SNX8: variants seen among roughly 807,000 people sequenced by gnomAD.
SNX8 encodes sorting nexin 8, also known as sorting nexin-8.
SNX8 carries 25 observed loss-of-function variants against 51.6 expected under a neutral mutation model. The observed-to-expected ratio is 0.48, with a 90% confidence interval of 0.35 to 0.68. The LOEUF is 0.68. SNX8 is among the 30% of genes least tolerant of loss of function. The probability of loss-of-function intolerance (pLI) is 0.00; values close to 1 mark genes in which losing one functional copy is unlikely to be tolerated. For synonymous variants in SNX8, 324 were observed against 277.0 expected (o/e 1.17, Z -1.68); for missense variants, 695 against 624.0 (o/e 1.11, Z -1.21).
intron 7 of SNX8, 130 bp downstream of exon 7, chr7:2,263,100 A>G: frequency 1.8e-6 from 2 of 1,141,188 alleles, no homozygotes; most frequent in Non-Finnish European, 1.2e-6. Flanking sequence ...GCCTGGCAAC[A>G]GAGGGAGACT....
intron 1 of SNX8, among the ~76,000 whole-genome samples, chr7:2,286,384 T>G (rs1796028681): frequency 6.6e-6 from 1 of 152,184 alleles, no homozygotes; most frequent in South Asian, 2.1e-4. Flanking sequence ...TTTTAATACC[T>G]TATTTAATGT....
In SNX8 at chr7:2,269,666, CCCT is replaced by C. The variant is rs770191057; in HGVS notation, c.541-30_541-28del. ...TGCAAAAGGAAAACACACAGCTTCA[CCCT>C]CTTCTACTAGCAGCAAGAAAGCTGC... is the stretch of plus-strand genomic sequence containing the variant. On this transcript the variant is annotated intron_variant, in intron 4 of 10. Coordinates refer to ENST00000222990, the MANE Select transcript of SNX8 (RefSeq NM_013321.4). 3.3e-6 allele frequency: 5 copies of C among 1,512,108 alleles called. No individual in the cohort carries two copies. The African/African-American group carries it at 5.6e-5, about 17-fold the overall frequency. The allele number at this position is 1,512,108 out of a possible 1,614,324, so 93.7% of individuals were successfully genotyped here. A position where few individuals can be genotyped will look rare whatever the true frequency, so the allele number is the denominator to read the frequency against.
intron 1 of SNX8, among the ~76,000 whole-genome samples, chr7:2,345,961 C>G (rs879737187): frequency 3.3e-5 from 5 of 152,028 alleles, no homozygotes; most frequent in African/African-American, 1.2e-4. Flanking sequence ...GCACCCACCA[C>G]CACTCCCAGC....
At chr7:2,353,364 C>A (rs1214267350) in intron 1 of SNX8, among the ~76,000 whole-genome samples, 1 of 152,078 alleles carries the variant, frequency 6.6e-6, no homozygotes, top group Non-Finnish European at 1.5e-5. Flanking sequence ...CTAGCCTGGG[C>A]AACAGAGCGA....
At chr7:2,277,675 C>G (rs933533850) in intron 2 of SNX8, among the ~76,000 whole-genome samples, 10 of 151,772 alleles carry the variant, frequency 6.6e-5, no homozygotes, top group East Asian at 1.9e-4. Context: ...GGCGTGGTGG[C>G]GGGCACCTGT....
At chr7:2,294,081 G>GT (rs1796217958) in intron 1 of SNX8, among the ~76,000 whole-genome samples, 1 of 151,944 alleles carries the variant, frequency 6.6e-6, no homozygotes, top group Non-Finnish European at 1.5e-5. Flanking sequence ...GGCCAACATA[G>GT]TGAAACCCTG....
rs1795762030 is a variant in SNX8, at chr7:2,275,701, T to TA, written c.301-473dup. ...TGGACGACAAAGCGAGACCTTGTCT[T>TA]AAAAAAATTAAAAAAGGCCGGGCGC... is the stretch of plus-strand genomic sequence containing the variant. On this transcript the variant is annotated intron_variant, in intron 2 of 10. Coordinates refer to ENST00000222990, the MANE Select transcript of SNX8 (RefSeq NM_013321.4). Among the ~76,000 whole-genome samples, 14 of 141,272 alleles carry TA rather than the reference T, an allele frequency of 9.9e-5. No individual in the cohort carries two copies. The South Asian group carries it at 3.0e-3, about 30-fold the overall frequency. 92.7% of individuals were successfully genotyped at this position (141,272 alleles called of 152,430 possible). A position where few individuals can be genotyped will look rare whatever the true frequency, so the allele number is the denominator to read the frequency against.
intron 1 of SNX8, chr7:2,309,878 G>A: frequency 2.1e-6 from 1 of 471,094 alleles, no homozygotes; most frequent in Non-Finnish European, 4.4e-6. Flanking sequence ...AGGCAAGAGG[G>A]GAAGGCTCGG....
At position 2,349,307 on chromosome 7, in the gene SNX8, G is replaced by A. The variant is rs1779095726; in HGVS notation, c.-66+4915C>T. On this transcript the variant is annotated intron_variant, in intron 1 of 5. Coordinates refer to the SNX8 transcript ENST00000435336. ...CCACGTTAAAGCATATGGTATATTG[G>A]CATAAAGCATGTTCACACTGACGCA... Among the ~76,000 whole-genome samples the A allele has an allele frequency of 2.0e-5, 3 of 152,122 alleles. No individual in the cohort carries two copies. In the South Asian group the frequency reaches 6.2e-4, roughly 32 times the overall value.
At chr7:2,263,108 A>T in intron 7 of SNX8, 122 bp downstream of exon 7, 3 of 1,152,462 alleles carry the variant, frequency 2.6e-6, no homozygotes, top group African/African-American at 1.5e-5. Context: ...ACAGAGGGAG[A>T]CTCCTTCTCA....
intron 5 of SNX8, among the ~76,000 whole-genome samples, chr7:2,266,065 T>C (rs1420252684): frequency 1.3e-5 from 2 of 152,170 alleles, no homozygotes; most frequent in Non-Finnish European, 2.9e-5. Context: ...TGCAATGACC[T>C]ACGATTGCAC....
chr7:2,344,567 G>A (rs573501294), intron 1 of SNX8, among the ~76,000 whole-genome samples: 35 of 147,502 alleles, frequency 2.4e-4, no homozygotes, highest in Admixed American at 1.4e-3. Context: ...GGCCGAGATC[G>A]CGCCACTGCA....
At chr7:2,264,483 C>A (rs770807379) in intron 5 of SNX8, 25 bp from the exon 6 acceptor site, 1 of 1,601,714 alleles carries the variant, frequency 6.2e-7, no homozygotes, top group Non-Finnish European at 8.5e-7. Flanking sequence ...GGGGGAGAGA[C>A]ACTGTGTTAG....
chr7:2,331,852 C>T (rs1778741536), intron 1 of SNX8, among the ~76,000 whole-genome samples: 1 of 151,876 alleles, frequency 6.6e-6, no homozygotes, highest in African/African-American at 2.4e-5. Flanking sequence ...TGCACTCCAG[C>T]CTGGGTGACA....
intron 10 of SNX8, 56 bp from the exon 11 acceptor site, chr7:2,255,225 C>G: frequency 1.8e-6 from 2 of 1,126,870 alleles, no homozygotes; most frequent in South Asian, 1.6e-5. Flanking sequence ...CTCCTCCTCA[C>G]GCTCTGATCC....
chr7:2,269,544 A>C lies in SNX8; in HGVS notation c.621+15T>G, dbSNP rs770858150. The C allele has an allele frequency of 4.7e-6, 7 of 1,493,964 alleles. No homozygotes were observed. The highest frequency in any genetic ancestry group is 1.8e-4 in the Middle Eastern group (1 of 5,650). 92.5% of individuals were successfully genotyped at this position (1,493,964 alleles called of 1,614,324 possible). On this transcript the variant is annotated intron_variant, in intron 5 of 10. Coordinates refer to ENST00000222990, the MANE Select transcript of SNX8 (RefSeq NM_013321.4). ...AAATTAAAAAAAAAAAAAAAGAAAA[A>C]AAAAAGAAAAATACCTTGGCCCTGG...
intron 1 of SNX8, chr7:2,299,300 T>C (rs561582173): frequency 6.6e-6 from 1 of 151,740 alleles, no homozygotes; most frequent in Non-Finnish European, 1.5e-5. Flanking sequence ...AAAAAATCAC[T>C]GGTTCCACGT....
intron 1 of SNX8, among the ~76,000 whole-genome samples, chr7:2,295,007 G>A (rs1232901703): frequency 1.3e-5 from 2 of 151,562 alleles, no homozygotes; most frequent in African/African-American, 4.8e-5. Flanking sequence ...TTCCAACCTG[G>A]GTAACAGAAT....
chr7:2,280,038 C>A (rs1202619095), intron 1 of SNX8, among the ~76,000 whole-genome samples: 1 of 152,078 alleles, frequency 6.6e-6, no homozygotes, highest in African/African-American at 2.4e-5. Context: ...GTCATCTGGA[C>A]AGACAGGAGG....
Sources: gnomAD v4.1 joint callset for allele counts (sites outside exome capture counted in the v4.1 genomes callset) on GRCh38, gnomAD v4.1.1 for gene constraint, MANE v1.5 for transcripts, NCBI Gene and HGNC (gene_info 2026-07-23, HGNC 2026-07-21) for gene names.